Variants in PDE6C observed in about 807,000 individuals in gnomAD.
The protein encoded by PDE6C is cone cGMP-specific 3',5'-cyclic phosphodiesterase subunit alpha'.
Under a neutral mutation model 113.1 loss-of-function variants are expected in PDE6C, and 75 were observed. That is an observed-to-expected ratio of 0.66 (90% CI 0.55 to 0.80). The LOEUF (loss-of-function observed/expected upper bound fraction) is 0.80, where lower values mean the gene tolerates loss of function less well. Ranked by LOEUF, PDE6C falls within the 30% of genes least tolerant of loss-of-function variation. The pLI, the probability that PDE6C is intolerant of heterozygous loss-of-function variation, is 0.00. For synonymous variants in PDE6C, 375 were observed against 363.7 expected (o/e 1.03, Z -0.35); for missense variants, 912 against 1,038.6 (o/e 0.88, Z 1.67).
At chr10:93,665,249 T>TA in intron 21 of PDE6C, 111 bp from the exon 22 acceptor site, 2 of 858,480 alleles carry the variant, frequency 2.3e-6, no homozygotes, top group Non-Finnish European at 4.0e-6. Flanking sequence ...CTTGCTAGGT[T>TA]AAAATGACTA....
intron 8 of PDE6C, 32 bp downstream of exon 8, chr10:93,629,337 TGGG>T: frequency 1.3e-6 from 2 of 1,519,292 alleles, no homozygotes; most frequent in Non-Finnish European, 1.8e-6. Context: ...CCTCACCTCT[TGGG>T]GCTGGGGTAG....
intron 15 of PDE6C, among the ~76,000 whole-genome samples, chr10:93,650,381 G>A (rs1026702466): frequency 2.0e-5 from 3 of 152,060 alleles, no homozygotes; most frequent in Admixed American, 1.3e-4. Flanking sequence ...CAAGTAGCTG[G>A]GACTACAGAC....
intron 16 of PDE6C, among the ~76,000 whole-genome samples, chr10:93,656,660 C>T (rs1265968593): frequency 1.3e-5 from 2 of 152,022 alleles, no homozygotes; most frequent in African/African-American, 4.8e-5. Flanking sequence ...ATCTCGGCCT[C>T]CAAGGTTCAA....
rs1012765041 is a variant in PDE6C at position 93,612,761 on chromosome 10, C to T, written c.36C>T (p.Tyr12=). The T allele has an allele frequency of 1.2e-6, 2 of 1,613,966 alleles. No individual in the cohort carries two copies. The highest frequency in any genetic ancestry group is 1.7e-6 in the Non-Finnish European group (2 of 1,180,044). ...GEINQVAVEK[Y]LEENPQFAKE... ...TCAACCAAGTTGCCGTGGAGAAATA[C>T]CTGGAGGAGAACCCTCAGTTTGCCA... The change falls in exon 1 of 22, where the codon TAC becomes TAT. Residue 12 remains tyrosine, a synonymous_variant. Transcript: ENST00000371447.
intron 11 of PDE6C, among the ~76,000 whole-genome samples, chr10:93,637,741 T>C (rs1246816512): frequency 6.6e-6 from 1 of 152,258 alleles, no homozygotes; most frequent in African/African-American, 2.4e-5. Flanking sequence ...TGTATTGATG[T>C]GTATTATTTT....
chr10:93,633,794 G>A (rs1388187207), intron 8 of PDE6C, among the ~76,000 whole-genome samples: 1 of 152,210 alleles, frequency 6.6e-6, no homozygotes, highest in African/African-American at 2.4e-5. Context: ...CTAAACAGGT[G>A]TTAGAAGATA....
rs1047697516 is a variant in PDE6C at position 93,625,797 on chromosome 10, A to G, written c.939+148A>G. The G allele has an allele frequency of 8.8e-6, 6 of 680,490 alleles. No homozygotes were observed. In the Admixed American group the frequency reaches 1.0e-4, roughly 12 times the overall value. The allele number at this position is 680,490 out of a possible 1,614,324, so 42.2% of individuals were successfully genotyped here. A position where few individuals can be genotyped will look rare whatever the true frequency, so the allele number is the denominator to read the frequency against. ...GGAGTTTGAGGTTCTAGTCCCAGCT[A>G]TGCCCCAAGCTAGAGCTGATTGGCC... On this transcript the variant is annotated intron_variant, in intron 5 of 21. Transcript: ENST00000371447.
In PDE6C at chr10:93,626,645, C is replaced by T. The variant is rs757105665; in HGVS notation, c.945C>T (p.Val315=). The part of the protein sequence containing the change: ...KGPKTPDGRE[V]NFYKIIDYIL... ...ATATCCTCTTTCTTTCTTAGGAAGT[C>T]AACTTTTATAAAATCATTGATTACA... The change falls in exon 6 of 22, where the codon GTC becomes GTT. Residue 315 remains valine, a synonymous_variant. Transcript: ENST00000371447. 2 of 1,533,672 alleles carry T rather than the reference C, an allele frequency of 1.3e-6. No homozygotes were observed. The highest frequency in any genetic ancestry group is 1.8e-6 in the Non-Finnish European group (2 of 1,107,438).
chr10:93,622,650 G>GTTGTTTTTTTTTTT (rs2058453304), intron 4 of PDE6C, among the ~76,000 whole-genome samples: 1 of 107,468 alleles, frequency 9.3e-6, no homozygotes, highest in African/African-American at 4.7e-5. Flanking sequence ...TTTTTTTTTT[G>GTTGTTTTTTTTTTT]TTTTTTTTTT....
intron 3 of PDE6C, 80 bp from the exon 4 acceptor site, chr10:93,621,852 C>A (rs1013889): frequency 3.1e-6 from 4 of 1,292,712 alleles, no homozygotes; most frequent in Non-Finnish European, 4.5e-6. Context: ...TGATGCACCT[C>A]ATGTTTTCTT....
Position 93,626,192 on chromosome 10 carries a change from A to G in PDE6C, c.940-448A>G, listed in dbSNP as rs149562535. On this transcript the variant is annotated intron_variant, in intron 5 of 21. Coordinates refer to ENST00000371447, the MANE Select transcript of PDE6C (RefSeq NM_006204.4). The stretch of plus-strand genomic sequence containing the variant: ...CCTCCTGTTTCTGAGGCACCTGTTC[A>G]GATAAGTCACTGATGAAAGGAGGGT... Among the ~76,000 whole-genome samples, 297 of 152,326 alleles carry G rather than the reference A, an allele frequency of 1.9e-3. 1 individual carries two copies. The highest frequency in any genetic ancestry group is 6.7e-3 in the African/African-American group (278 of 41,560).
chr10:93,640,048 C>T, intron 11 of PDE6C, 22 bp from the exon 12 acceptor site: 1 of 1,613,422 alleles, frequency 6.2e-7, no homozygotes. Context: ...TAATCTGAAA[C>T]AACCCATCCT....
intron 8 of PDE6C, 54 bp from the exon 9 acceptor site, chr10:93,634,704 T>A: frequency 4.4e-6 from 7 of 1,582,722 alleles, no homozygotes; most frequent in Non-Finnish European, 6.1e-6. Flanking sequence ...GAATTTATGA[T>A]TATTTCAAAC....
intron 14 of PDE6C, among the ~76,000 whole-genome samples, chr10:93,642,701 C>T (rs1421741395): frequency 1.3e-5 from 2 of 152,130 alleles, no homozygotes; most frequent in Non-Finnish European, 1.5e-5. Flanking sequence ...AAGTGTTGAC[C>T]TCTCAAAGAT....
intron 11 of PDE6C, among the ~76,000 whole-genome samples, chr10:93,637,731 T>C (rs1182987018): frequency 6.6e-6 from 1 of 152,254 alleles, no homozygotes; most frequent in African/African-American, 2.4e-5. Flanking sequence ...TTTTCATAAA[T>C]GTATTGATGT....
intron 1 of PDE6C, among the ~76,000 whole-genome samples, chr10:93,615,195 G>A (rs149486786): frequency 6.6e-6 from 1 of 152,266 alleles, no homozygotes; most frequent in Non-Finnish European, 1.5e-5. Context: ...GGAAGGTTGA[G>A]ATGGGAGGAT....
rs1480933488 is a variant in PDE6C at position 93,620,980 on chromosome 10, G to A, written c.723G>A (p.Gln241=). The change falls in exon 3 of 22, where the codon CAG becomes CAA. Residue 241 remains glutamine, a splice_region_variant and synonymous_variant. Transcript: ENST00000371447. ...YMYNIESRRS[Q]ILMWSANKVF... ...ACAATATTGAATCCCGAAGAAGCCA[G>A]GTAAAAGGAAGGCAGCATTAGTCAT... 1 of 1,612,076 alleles carries A rather than the reference G, an allele frequency of 6.2e-7. No homozygotes were observed. The highest frequency in any genetic ancestry group is 1.7e-5 in the Admixed American group (1 of 59,994).
intron 3 of PDE6C, 80 bp from the exon 4 acceptor site, chr10:93,621,852 C>T (rs1013889): frequency 1.5e-6 from 2 of 1,292,712 alleles, no homozygotes; most frequent in Non-Finnish European, 2.2e-6. Context: ...TGATGCACCT[C>T]ATGTTTTCTT....
chr10:93,617,175 G>A (rs1444868453), intron 1 of PDE6C, among the ~76,000 whole-genome samples: 1 of 152,234 alleles, frequency 6.6e-6, no homozygotes, highest in East Asian at 1.9e-4. Context: ...ATGTTCTCCA[G>A]CTGCCTTCAA....
Sources: allele counts gnomAD v4.1 joint callset (sites outside exome capture counted in the v4.1 genomes callset), GRCh38; gene constraint gnomAD v4.1.1; transcripts MANE v1.5; gene names NCBI Gene and HGNC (gene_info 2026-07-23, HGNC 2026-07-21).